The following KIAA0513 variants were observed in gnomAD, a reference collection of about 807,000 sequenced individuals.
KIAA0513 encodes the protein uncharacterized protein KIAA0513.
A neutral mutation model predicts 56.5 loss-of-function variants in KIAA0513; 39 were observed. The observed-to-expected ratio is 0.69, with a 90% CI of 0.53 to 0.90. The LOEUF is 0.90. Among genes scored for constraint, KIAA0513 ranks in the 40% least tolerant of loss-of-function variants. The pLI is 0.00. For synonymous variants in KIAA0513, 268 were observed against 215.6 expected (o/e 1.24, Z -2.13); for missense variants, 591 against 535.2 (o/e 1.10, Z -1.03).
intron 1 of KIAA0513, among the ~76,000 whole-genome samples, chr16:85,050,694 G>T (rs560611193): frequency 3.3e-5 from 5 of 152,280 alleles, no homozygotes; most frequent in Admixed American, 1.3e-4. Flanking sequence ...CTTGTTTTCC[G>T]CAGTGTGGTA....
intron 1 of KIAA0513, among the ~76,000 whole-genome samples, chr16:85,066,228 C>T (rs1376462922): frequency 6.6e-6 from 1 of 152,034 alleles, no homozygotes; most frequent in Non-Finnish European, 1.5e-5. Flanking sequence ...GAATAGAACT[C>T]CAGGGTGGGA....
At chr16:85,073,065 C>G in intron 4 of KIAA0513, 67 bp downstream of exon 4, 1 of 1,328,366 alleles carries the variant, frequency 7.5e-7, no homozygotes, top group Non-Finnish European at 1.1e-6. Flanking sequence ...CCTCCCTCCC[C>G]ACCCAGCCGT....
rs1276680466 is a variant in KIAA0513 at position 85,083,512 on chromosome 16, G to A, written c.1010+919G>A. ...GTTTTCACTGACTCTCTGGGTGACTGTGTGTTTAACCAGCCTTCCAGGAAC... is the reference window on the plus strand; with the variant it reads ...GTTTTCACTGACTCTCTGGGTGACTATGTGTTTAACCAGCCTTCCAGGAAC... On this transcript the variant is annotated intron_variant, in intron 10 of 12. Coordinates refer to ENST00000683363, the MANE Select transcript of KIAA0513 (RefSeq NM_001388359.1). Among the ~76,000 whole-genome samples the A allele has an allele frequency of 3.3e-5, 5 of 152,210 alleles. No homozygotes were observed. The East Asian group carries it at 9.6e-4, about 29-fold the overall frequency.
intron 1 of KIAA0513, among the ~76,000 whole-genome samples, chr16:85,047,289 C>G (rs72803574): frequency 2.0e-5 from 3 of 152,200 alleles, no homozygotes; most frequent in Non-Finnish European, 4.4e-5. Context: ...ACATATGCCT[C>G]GCTCAGGGCT....
rs2073864742 is a variant in KIAA0513, at chr16:85,091,278, T to G, written c.*2953T>G. 6.6e-6 allele frequency: 1 copy of G among 152,260 alleles called. No individual in the cohort carries two copies. The highest frequency in any genetic ancestry group is 2.1e-4 in the South Asian group (1 of 4,834). 9.4% of individuals were successfully genotyped at this position (152,260 alleles called of 1,614,324 possible). ...ATGTTGACAGGCAGCATGGTATGTT[T>G]TTAGCCTTTGTTACAGTTTTAGCAA... On this transcript the variant is annotated 3_prime_UTR_variant, in exon 13 of 13. Transcript: ENST00000683363.
chr16:85,075,292 A>C (rs2073639858), intron 4 of KIAA0513, among the ~76,000 whole-genome samples: 1 of 152,146 alleles, frequency 6.6e-6, no homozygotes, highest in Non-Finnish European at 1.5e-5. Context: ...CAAACAGGAA[A>C]GAAAAGTCTA....
intron 1 of KIAA0513, among the ~76,000 whole-genome samples, chr16:85,041,309 G>A (rs138289832): frequency 1.4e-3 from 215 of 152,262 alleles, no homozygotes; most frequent in African/African-American, 5.0e-3. Context: ...AATATCTTCC[G>A]TTGTATGACT....
intron 2 of KIAA0513, among the ~76,000 whole-genome samples, chr16:85,070,205 G>T (rs752005941): frequency 4.0e-5 from 6 of 149,414 alleles, no homozygotes; most frequent in Non-Finnish European, 7.4e-5. Context: ...GAAATTTTGC[G>T]TTTTACTCTG....
rs1280546161 is a variant in KIAA0513 at position 85,076,839 on chromosome 16, T to C, written c.575-586T>C. ...AGACACATAATGAATAGACACTGCT[T>C]CCTGAGACAGGGCCACCCACAGCAG... On this transcript the variant is annotated intron_variant, in intron 5 of 12. Transcript: ENST00000683363. This position sits in a 1 kb window ranked among gnomAD's most constrained non-coding sequence, Gnocchi z 4.7. 6.6e-6 allele frequency among the ~76,000 whole-genome samples: 1 copy of C among 152,158 alleles called. No homozygotes were observed. The highest frequency in any genetic ancestry group is 2.4e-5 in the African/African-American group (1 of 41,432).
At chr16:85,029,124 C>T (rs1378664179) in intron 1 of KIAA0513, among the ~76,000 whole-genome samples, 1 of 152,182 alleles carries the variant, frequency 6.6e-6, no homozygotes, top group East Asian at 1.9e-4. Context: ...GTTTTTATTT[C>T]CACTTTGTTC....
rs566832765 is a variant in KIAA0513, at chr16:85,080,994, C to T, written c.903-321C>T. ...AAAGGCAGAAGAAGAAAACGACCCA[C>T]CTCCGTGTCCTACAGATGGTGGCTT... On this transcript the variant is annotated intron_variant, in intron 8 of 12. Coordinates refer to ENST00000683363, the MANE Select transcript of KIAA0513 (RefSeq NM_001388359.1). 3.6e-4 allele frequency among the ~76,000 whole-genome samples: 55 copies of T among 152,308 alleles called. 1 individual carries two copies. Among genetic ancestry groups the T allele is most frequent in the African/African-American group, 1.3e-3 (55 of 41,572 alleles).
At chr16:85,038,707 C>CAAAAAAA (rs769470751) in intron 1 of KIAA0513, among the ~76,000 whole-genome samples, 12 of 71,230 alleles carry the variant, frequency 1.7e-4, no homozygotes, top group Non-Finnish European at 2.7e-4. Context: ...GACTCAGCCT[C>CAAAAAAA]AAAAAAAAAA....
At chr16:85,046,318 A>G (rs1022651559) in intron 1 of KIAA0513, among the ~76,000 whole-genome samples, 1 of 152,182 alleles carries the variant, frequency 6.6e-6, no homozygotes, top group East Asian at 1.9e-4. Context: ...AGTGCTTTCT[A>G]CATGCCCATG....
chr16:85,038,520 AAC>A (rs1278390019), intron 1 of KIAA0513, among the ~76,000 whole-genome samples: 1 of 152,040 alleles, frequency 6.6e-6, no homozygotes, highest in Non-Finnish European at 1.5e-5. Context: ...CGGTCTGACC[AAC>A]ACAGTGAAAC....
chr16:85,047,987 G>A (rs1241016663), intron 1 of KIAA0513, among the ~76,000 whole-genome samples: 2 of 152,198 alleles, frequency 1.3e-5, no homozygotes, highest in Non-Finnish European at 2.9e-5. Context: ...GGTGGCGGGG[G>A]TGGTGCTTAC....
At chr16:85,079,876 T>C (rs1205365170) in intron 8 of KIAA0513, 1 of 152,288 alleles carries the variant, frequency 6.6e-6, no homozygotes, top group Non-Finnish European at 1.5e-5. Context: ...GGGGAAATCT[T>C]GGCCGCCCTG....
In KIAA0513 at chr16:85,092,810, T is replaced by G. The variant is rs1025126196; in HGVS notation, c.*4485T>G. 1 of 152,256 alleles carries G rather than the reference T, an allele frequency of 6.6e-6. No homozygotes were observed. Among genetic ancestry groups the G allele is most frequent in the Admixed American group, 6.5e-5 (1 of 15,276 alleles). The allele number at this position is 152,256 out of a possible 1,614,324, so 9.4% of individuals were successfully genotyped here. A position where few individuals can be genotyped will look rare whatever the true frequency, so the allele number is the denominator to read the frequency against. On this transcript the variant is annotated 3_prime_UTR_variant, in exon 13 of 13. Coordinates refer to ENST00000683363, the MANE Select transcript of KIAA0513 (RefSeq NM_001388359.1). ...GCTAAGACCACAGACAGAGCAGGGC[T>G]TCCCGGAGCCACACAGGCCACGCAC...
At chr16:85,064,788 T>C (rs34105213) in intron 1 of KIAA0513, among the ~76,000 whole-genome samples, 10,160 of 152,164 alleles carry the variant, frequency 0.067, 366 homozygotes, top group Middle Eastern at 0.088. Flanking sequence ...TGGGTTCAAG[T>C]AATTCTCCTG....
chr16:85,049,799 C>T (rs1360680152), intron 1 of KIAA0513, among the ~76,000 whole-genome samples: 1 of 152,188 alleles, frequency 6.6e-6, no homozygotes, highest in Non-Finnish European at 1.5e-5. Context: ...TTCGTTATAG[C>T]AGTGCAAGAA....
Sources: allele counts gnomAD v4.1 joint callset (sites outside exome capture counted in the v4.1 genomes callset), GRCh38; gene constraint gnomAD v4.1.1; non-coding constraint Gnocchi (gnomAD v3.1); transcripts MANE v1.5; gene names NCBI Gene and HGNC (gene_info 2026-07-23, HGNC 2026-07-21).